DTNB: variants seen among roughly 807,000 people sequenced by gnomAD.
DTNB encodes DTN-B.
DTNB carries 63 observed loss-of-function variants against 90.7 expected under a neutral mutation model. The observed-to-expected ratio is 0.69, with a 90% CI of 0.57 to 0.86. The LOEUF is 0.86. Ranked by LOEUF, DTNB falls within the 40% of genes least tolerant of loss-of-function variation. The pLI is 0.00. For synonymous variants in DTNB, 277 were observed against 286.7 expected (o/e 0.97, Z 0.34); for missense variants, 744 against 807.1 (o/e 0.92, Z 0.95).
chr2:25,593,491 C>T (rs1283771483), intron 6 of DTNB, among the ~76,000 whole-genome samples: 2 of 152,140 alleles, frequency 1.3e-5, no homozygotes, highest in African/African-American at 4.8e-5. Flanking sequence ...TGAGTGATTT[C>T]TATTTCCCCT....
At chr2:25,526,384 TATATATATA>T (rs1486374323) in intron 9 of DTNB, among the ~76,000 whole-genome samples, 24 of 53,520 alleles carry the variant, frequency 4.5e-4, no homozygotes, top group African/African-American at 2.3e-3. Context: ...TATATATATA[TATATATATA>T]TATTTTTTTT....
intron 9 of DTNB, among the ~76,000 whole-genome samples, chr2:25,527,165 C>G (rs776854314): frequency 1.3e-5 from 2 of 151,894 alleles, no homozygotes; most frequent in Non-Finnish European, 2.9e-5. Flanking sequence ...AATGCTTCTA[C>G]TAGGGGGAAA....
At chr2:25,413,627 C>A (rs990606453) in intron 16 of DTNB, among the ~76,000 whole-genome samples, 2 of 152,038 alleles carry the variant, frequency 1.3e-5, no homozygotes, top group East Asian at 3.9e-4. Flanking sequence ...AGTATTCCAT[C>A]GTGTATATGT....
At chr2:25,615,242 A>G (rs904357049) in intron 4 of DTNB, among the ~76,000 whole-genome samples, 1 of 152,170 alleles carries the variant, frequency 6.6e-6, no homozygotes, top group African/African-American at 2.4e-5. Context: ...GAGGTGTGCT[A>G]CACTCCAGGA....
intron 8 of DTNB, among the ~76,000 whole-genome samples, chr2:25,550,132 C>G (rs2083301051): frequency 6.6e-6 from 1 of 152,132 alleles, no homozygotes; most frequent in Non-Finnish European, 1.5e-5. Context: ...TGGCTCACGC[C>G]TGTAATCCCA....
intron 9 of DTNB, among the ~76,000 whole-genome samples, chr2:25,526,320 C>G (rs772596446): frequency 7.1e-5 from 10 of 139,954 alleles, no homozygotes; most frequent in Non-Finnish European, 1.4e-4. Flanking sequence ...GGAGAACGGA[C>G]AGGTAAAATG....
chr2:25,403,942 T>TA (rs2044384969), intron 16 of DTNB, among the ~76,000 whole-genome samples: 3 of 152,196 alleles, frequency 2.0e-5, no homozygotes, highest in Admixed American at 1.3e-4. Flanking sequence ...TAGAGGAACC[T>TA]AGTTTGGATT....
At chr2:25,494,112 C>T (rs1471063546) in intron 9 of DTNB, among the ~76,000 whole-genome samples, 1 of 152,190 alleles carries the variant, frequency 6.6e-6, no homozygotes, top group Non-Finnish European at 1.5e-5. Flanking sequence ...TAAGCATTTG[C>T]TGAGTGTGAA....
intron 8 of DTNB, among the ~76,000 whole-genome samples, chr2:25,554,704 T>C (rs539085919): frequency 1.6e-4 from 25 of 152,288 alleles, no homozygotes; most frequent in African/African-American, 5.5e-4. Flanking sequence ...GGATTCTATA[T>C]GGCACTGAAA....
At chr2:25,550,199 G>A (rs1236089448) in intron 8 of DTNB, among the ~76,000 whole-genome samples, 1 of 152,072 alleles carries the variant, frequency 6.6e-6, no homozygotes, top group Non-Finnish European at 1.5e-5. Context: ...AGACCATCCT[G>A]GCTAACACGG....
intron 6 of DTNB, among the ~76,000 whole-genome samples, chr2:25,587,368 A>T (rs74707861): frequency 1.0e-3 from 158 of 152,334 alleles, no homozygotes; most frequent in African/African-American, 3.6e-3. Context: ...TGACGAGAAG[A>T]CCAGGGTCCT....
At chr2:25,597,826 AT>A (rs933225313) in intron 5 of DTNB, among the ~76,000 whole-genome samples, 1 of 152,226 alleles carries the variant, frequency 6.6e-6, no homozygotes, top group Non-Finnish European at 1.5e-5. Flanking sequence ...AATGGTCCTT[AT>A]CCCCCAAGAA....
At chr2:25,475,041 A>G (rs957636823) in intron 10 of DTNB, among the ~76,000 whole-genome samples, 1 of 152,210 alleles carries the variant, frequency 6.6e-6, no homozygotes, top group African/African-American at 2.4e-5. Flanking sequence ...TATTGAAATT[A>G]GGCCAGTTCA....
intron 9 of DTNB, among the ~76,000 whole-genome samples, chr2:25,489,422 T>C (rs1273934300): frequency 2.0e-5 from 3 of 152,136 alleles, no homozygotes; most frequent in African/African-American, 7.2e-5. Context: ...ATAATTATAA[T>C]GTAGCAAATA....
intron 4 of DTNB, among the ~76,000 whole-genome samples, chr2:25,627,940 G>T (rs1268949470): frequency 6.6e-6 from 1 of 152,052 alleles, no homozygotes; most frequent in South Asian, 2.1e-4. Flanking sequence ...GTTTCACCGT[G>T]TTAGCCGGGA....
intron 9 of DTNB, among the ~76,000 whole-genome samples, chr2:25,501,504 T>C (rs531144966): frequency 2.6e-5 from 4 of 152,062 alleles, no homozygotes; most frequent in Admixed American, 2.6e-4. Context: ...CTTAGCCTCC[T>C]GAGTAGCTGG....
chr2:25,671,646 T>C (rs997848628), intron 1 of DTNB, among the ~76,000 whole-genome samples: 1 of 152,238 alleles, frequency 6.6e-6, no homozygotes, highest in Non-Finnish European at 1.5e-5. Flanking sequence ...TTTCTAACCA[T>C]AGGTAGAAAT....
intron 4 of DTNB, among the ~76,000 whole-genome samples, chr2:25,607,840 T>C (rs148937819): frequency 2.6e-4 from 39 of 152,334 alleles, no homozygotes; most frequent in African/African-American, 8.7e-4. Flanking sequence ...GTGTTTATTC[T>C]AAGAAGCTCA....
At chr2:25,547,545 A>T (rs1300320248) in intron 8 of DTNB, among the ~76,000 whole-genome samples, 2 of 152,058 alleles carry the variant, frequency 1.3e-5, no homozygotes, top group Non-Finnish European at 2.9e-5. Context: ...GCTGGTCTTG[A>T]ACTCCTGACG....
Sources: allele counts gnomAD v4.1 joint callset (sites outside exome capture counted in the v4.1 genomes callset), GRCh38; gene constraint gnomAD v4.1.1; transcripts MANE v1.5; gene names NCBI Gene and HGNC (gene_info 2026-07-23, HGNC 2026-07-21).